PPP6C: variants seen among roughly 807,000 people sequenced by gnomAD.
The protein encoded by PPP6C is serine/threonine-protein phosphatase 6 catalytic subunit.
Under a neutral mutation model 39.8 loss-of-function variants are expected in PPP6C, and 11 were observed. The ratio of observed to expected loss-of-function variants is 0.28; its 90% confidence interval spans 0.17 to 0.46. The LOEUF (loss-of-function observed/expected upper bound fraction) is 0.46. Ranked by LOEUF, PPP6C falls within the 20% of genes least tolerant of loss-of-function variation. The probability of loss-of-function intolerance (pLI) is 1.00; values close to 1 mark genes in which losing one functional copy is unlikely to be tolerated. For missense variants in PPP6C, 211 were observed against 373.9 expected (o/e 0.56, Z 3.59); for synonymous variants, 129 against 130.3 (o/e 0.99, Z 0.07).
At position 125,180,200 on chromosome 9, in the gene PPP6C, C is replaced by T. The variant is rs139545124; in HGVS notation, c.76-9020G>A. The stretch of plus-strand genomic sequence containing the variant: ...CCTCATAAATAATAATAATCACAAC[C>T]TTGACCACAACCACTCAATCCAGTT... On this transcript the variant is annotated intron_variant, in intron 1 of 6. Coordinates refer to ENST00000373547, the MANE Select transcript of PPP6C (RefSeq NM_002721.5). 2.2e-3 allele frequency among the ~76,000 whole-genome samples: 332 copies of T among 152,234 alleles called. 3 individuals are homozygous for T. Among genetic ancestry groups the T allele is most frequent in the African/African-American group, 7.6e-3 (317 of 41,532 alleles).
At chr9:125,151,262 G>C in intron 6 of PPP6C, 1 of 1,500,054 alleles carries the variant, frequency 6.7e-7, no homozygotes, top group Non-Finnish European at 9.3e-7. Context: ...GCTTGTGGGA[G>C]ATGTGAAGGA....
At chr9:125,151,691 AGTGTAG>A in intron 6 of PPP6C, 1 of 482,128 alleles carries the variant, frequency 2.1e-6, no homozygotes, top group Non-Finnish European at 3.9e-6. Context: ...AGCTTGCTCC[AGTGTAG>A]CTTTCTATAT....
chr9:125,148,734 C>G lies in PPP6C; in HGVS notation c.*939G>C, dbSNP rs1174564533. Reference sequence around the variant, plus strand: ...ACTGGATTGATCACATTCTACTCAACTGGTATCAAATTAACACATCAGCAT... The same window carrying G: ...ACTGGATTGATCACATTCTACTCAAGTGGTATCAAATTAACACATCAGCAT... On this transcript the variant is annotated 3_prime_UTR_variant, in exon 7 of 7. Coordinates refer to ENST00000373547, the MANE Select transcript of PPP6C (RefSeq NM_002721.5). The G allele has an allele frequency of 6.6e-6, 1 of 152,160 alleles. No homozygotes were observed. The highest frequency in any genetic ancestry group is 2.4e-5 in the African/African-American group (1 of 41,444). 9.4% of individuals were successfully genotyped at this position (152,160 alleles called of 1,614,324 possible).
intron 4 of PPP6C, among the ~76,000 whole-genome samples, chr9:125,157,010 A>T (rs1836093597): frequency 6.6e-6 from 1 of 151,994 alleles, no homozygotes; most frequent in Admixed American, 6.6e-5. Flanking sequence ...TTTAAGTTCT[A>T]GGGTACATGT....
chr9:125,162,452 T>G (rs1446383348), intron 2 of PPP6C, among the ~76,000 whole-genome samples: 2 of 90,756 alleles, frequency 2.2e-5, no homozygotes, highest in Middle Eastern at 8.5e-3. Flanking sequence ...AGCAAGATTC[T>G]GTCTCAAAAA....
intron 2 of PPP6C, among the ~76,000 whole-genome samples, chr9:125,169,746 G>A (rs948527700): frequency 6.6e-6 from 1 of 152,052 alleles, no homozygotes; most frequent in Non-Finnish European, 1.5e-5. Flanking sequence ...GGAAATTTTA[G>A]GAAATCAATT....
chr9:125,153,386 C>T (rs1043930130), intron 6 of PPP6C, 147 bp downstream of exon 6: 8 of 727,732 alleles, frequency 1.1e-5, no homozygotes, highest in Middle Eastern at 3.7e-4. Context: ...GAAAGACATA[C>T]GTTAATAACT....
intron 2 of PPP6C, among the ~76,000 whole-genome samples, chr9:125,162,379 G>A (rs1828896319): frequency 1.4e-5 from 2 of 147,252 alleles, no homozygotes; most frequent in Admixed American, 7.0e-5. Context: ...AATTGCTTGA[G>A]CCCAGGAGGT....
intron 4 of PPP6C, among the ~76,000 whole-genome samples, chr9:125,157,303 T>C (rs767863703): frequency 3.9e-5 from 6 of 152,042 alleles, no homozygotes; most frequent in Admixed American, 6.6e-5. Flanking sequence ...TATGACTAAG[T>C]TCTGCTTCTG....
chr9:125,152,696 G>A (rs1835979225), intron 6 of PPP6C, among the ~76,000 whole-genome samples: 2 of 152,036 alleles, frequency 1.3e-5, no homozygotes, highest in South Asian at 2.1e-4. Flanking sequence ...CAGGCGTGGT[G>A]GTGTACACCT....
At chr9:125,150,421 G>GTGTGT (rs1835905950) in intron 6 of PPP6C, among the ~76,000 whole-genome samples, 1 of 149,856 alleles carries the variant, frequency 6.7e-6, no homozygotes, top group Non-Finnish European at 1.5e-5. Context: ...CAATATAAGG[G>GTGTGT]GTGTGTGTGT....
chr9:125,152,657 C>T (rs911314842), intron 6 of PPP6C, among the ~76,000 whole-genome samples: 2 of 151,728 alleles, frequency 1.3e-5, no homozygotes, highest in African/African-American at 4.8e-5. Flanking sequence ...ATGGTGAAAC[C>T]CCGTCTCTAC....
rs781486938 is a variant in PPP6C at position 125,153,664 on chromosome 9, C to T, written c.538G>A (p.Glu180Lys). The T allele has an allele frequency of 3.7e-6, 6 of 1,613,994 alleles. No individual in the cohort carries two copies. The highest frequency in any genetic ancestry group is 3.3e-5 in the South Asian group (3 of 91,076). The change falls in exon 6 of 7, where the codon GAA (glutamate) becomes AAA (lysine). Residue 180 changes from glutamate (E) to lysine (K), a missense_variant. This residue lies in a region of PPP6C where 168 missense variants were observed against 342.6 expected (regional missense o/e 0.49). Transcript: ENST00000373547. ...TTATGAGGAATTTCCTGATTCCGTTCGATGGTTCGAATTTGATCCAGTGTT... is the reference window on the plus strand; with the variant it reads ...TTATGAGGAATTTCCTGATTCCGTTTGATGGTTCGAATTTGATCCAGTGTT... The part of the protein sequence containing the change: ...IKTLDQIRTI[E>K]RNQEIPHKGA...
chr9:125,151,461 C>T, intron 6 of PPP6C: 1 of 798,046 alleles, frequency 1.3e-6, no homozygotes, highest in Non-Finnish European at 2.3e-6. Context: ...AATAACATAC[C>T]CCAGGAGGAC....
chr9:125,187,138 G>T (rs1055996283), intron 1 of PPP6C, among the ~76,000 whole-genome samples: 1 of 151,146 alleles, frequency 6.6e-6, no homozygotes, highest in African/African-American at 2.4e-5. Flanking sequence ...GTACAGACGG[G>T]GTTTCACCAT....
In PPP6C at chr9:125,146,977, C is replaced by G. The variant is rs1835826886; in HGVS notation, c.*2696G>C. ...TAATGCAATGAACAATATTTCAAACCTTATTTCCCAAAGCAAAACCTAGGG... is the reference window on the plus strand; with the variant it reads ...TAATGCAATGAACAATATTTCAAACGTTATTTCCCAAAGCAAAACCTAGGG... On this transcript the variant is annotated 3_prime_UTR_variant, in exon 7 of 7. Transcript: ENST00000373547. 6.6e-6 allele frequency: 1 copy of G among 152,176 alleles called. No homozygotes were observed. Among genetic ancestry groups the G allele is most frequent in the South Asian group, 2.1e-4 (1 of 4,824 alleles). 9.4% of individuals were successfully genotyped at this position (152,176 alleles called of 1,614,324 possible).
chr9:125,155,521 T>C (rs1315786815), intron 4 of PPP6C, among the ~76,000 whole-genome samples: 1 of 152,224 alleles, frequency 6.6e-6, no homozygotes, highest in Non-Finnish European at 1.5e-5. Context: ...CAGTGTGAAC[T>C]GAAGTCCCAG....
Position 125,153,973 on chromosome 9 carries a change from G to A in PPP6C, c.392C>T (p.Thr131Ile). ...CCAGGCATTAGCATTTCCATATTTG[G>A]TTTGGCACTCATCTGTGAAAGAAAC... ...QVYGFYDECQTKYGNANAWRY... is the reference protein window; with the variant it reads ...QVYGFYDECQIKYGNANAWRY... The change falls in exon 5 of 7, where the codon ACC becomes ATC. Residue 131 changes from threonine to isoleucine, a missense_variant. Physicochemically the swap from Thr to Ile is moderately conservative, Grantham distance 89 (BLOSUM62 -1). Transcript: ENST00000373547. 6.2e-7 allele frequency: 1 copy of A among 1,608,316 alleles called. No homozygotes were observed. The highest frequency in any genetic ancestry group is 8.5e-7 in the Non-Finnish European group (1 of 1,174,958).
chr9:125,189,550 T>C, intron 1 of PPP6C, 94 bp downstream of exon 1: 2 of 1,579,396 alleles, frequency 1.3e-6, no homozygotes, highest in Middle Eastern at 1.8e-4. Context: ...CCACCGCGAC[T>C]GGACTGGATA....
Sources: gnomAD v4.1 joint callset for allele counts (sites outside exome capture counted in the v4.1 genomes callset) on GRCh38, gnomAD v4.1.1 for gene constraint, gnomAD v4.1.1 regional missense constraint, MANE v1.5 for transcripts, NCBI Gene and HGNC (gene_info 2026-07-23, HGNC 2026-07-21) for gene names.